The following TUFT1 variants were observed in gnomAD, a reference collection of about 807,000 sequenced individuals.
TUFT1 encodes tuftelin 1, also known as tuftelin.
In TUFT1, 43 loss-of-function variants were observed where a neutral mutation model predicts 57.8. That is an observed-to-expected ratio of 0.74 (90% CI 0.58 to 0.96). TUFT1 has a LOEUF of 0.96. TUFT1 is among the 40% of genes least tolerant of loss of function. The pLI, the probability that TUFT1 is intolerant of heterozygous loss-of-function variation, is 0.00. For synonymous variants in TUFT1, 166 were observed against 176.7 expected (o/e 0.94, Z 0.48); for missense variants, 459 against 489.0 (o/e 0.94, Z 0.58).
chr1:151,555,776 C>CA (rs776491723), intron 1 of TUFT1, among the ~76,000 whole-genome samples: 17,151 of 69,840 alleles, frequency 0.25, 1,788 homozygotes, highest in Non-Finnish European at 0.3. Context: ...GACTCCGTCT[C>CA]AAAAAAAAAA....
At chr1:151,558,278 T>G (rs896530388) in intron 1 of TUFT1, among the ~76,000 whole-genome samples, 9 of 151,942 alleles carry the variant, frequency 5.9e-5, no homozygotes, top group Admixed American at 3.3e-4. Flanking sequence ...TTGACCGTTC[T>G]TCTCTTTCAG....
At chr1:151,558,287 A>G (rs72997981) in intron 1 of TUFT1, among the ~76,000 whole-genome samples, 2,560 of 151,920 alleles carry the variant, frequency 0.017, 86 homozygotes, top group African/African-American at 0.059. Context: ...CTTCTCTTTC[A>G]GCATTTGAAA....
At chr1:151,543,730 C>T (rs1665240093) in intron 1 of TUFT1, among the ~76,000 whole-genome samples, 1 of 152,084 alleles carries the variant, frequency 6.6e-6, no homozygotes, top group South Asian at 2.1e-4. Context: ...CTCAAGATTC[C>T]AGGGAGAGAG....
At chr1:151,547,517 A>G (rs990311009) in intron 1 of TUFT1, among the ~76,000 whole-genome samples, 14 of 152,212 alleles carry the variant, frequency 9.2e-5, no homozygotes, top group African/African-American at 3.4e-4. Context: ...GGTGGCCCAG[A>G]TTTAAGCCTG....
At position 151,561,991 on chromosome 1, in the gene TUFT1, C is replaced by T. The variant is rs567703401; in HGVS notation, c.61-100C>T. The T allele has an allele frequency of 4.5e-5, 67 of 1,475,920 alleles. No individual in the cohort carries two copies. The African/African-American group carries it at 6.5e-4, about 14-fold the overall frequency. 91.4% of individuals were successfully genotyped at this position (1,475,920 alleles called of 1,614,324 possible). A position where few individuals can be genotyped will look rare whatever the true frequency, so the allele number is the denominator to read the frequency against. On this transcript the variant is annotated intron_variant, in intron 1 of 12. Transcript: ENST00000368849. ...TCTGTGAAGTGGTGATGATAAGACC[C>T]GCTCCACAGAGCTGGCAGAAGCACC...
chr1:151,580,858 C>A, intron 11 of TUFT1, 84 bp from the exon 12 acceptor site: 1 of 1,217,448 alleles, frequency 8.2e-7, no homozygotes, highest in Non-Finnish European at 1.2e-6. Context: ...TAAACACAGG[C>A]AGAGAGACCA....
At chr1:151,571,487 G>C (rs898147011) in intron 7 of TUFT1, among the ~76,000 whole-genome samples, 1 of 152,054 alleles carries the variant, frequency 6.6e-6, no homozygotes, top group Non-Finnish European at 1.5e-5. Context: ...TAATAGCTTG[G>C]ACTTAGGGTA....
At chr1:151,576,289 G>A (rs1666460856) in intron 9 of TUFT1, among the ~76,000 whole-genome samples, 1 of 152,136 alleles carries the variant, frequency 6.6e-6, no homozygotes, top group African/African-American at 2.4e-5. Context: ...CTCCCAAGTA[G>A]CCTGACTAGA....
intron 4 of TUFT1, 48 bp from the exon 5 acceptor site, chr1:151,564,477 C>T: frequency 6.9e-7 from 1 of 1,453,122 alleles, no homozygotes; most frequent in Non-Finnish European, 9.6e-7. Flanking sequence ...AGTTGGCATG[C>T]TCTCTTTCTC....
At chr1:151,561,079 C>T (rs1265037350) in intron 1 of TUFT1, among the ~76,000 whole-genome samples, 4 of 151,758 alleles carry the variant, frequency 2.6e-5, no homozygotes, top group African/African-American at 9.7e-5. Flanking sequence ...CTACAAGCTC[C>T]GCCTCCCGGG....
At chr1:151,557,984 A>T (rs1341913265) in intron 1 of TUFT1, 2 of 498,862 alleles carry the variant, frequency 4.0e-6, no homozygotes, top group East Asian at 1.0e-4. Context: ...TACAGCAAAA[A>T]AACTTAAAAA....
intron 7 of TUFT1, 77 bp from the exon 8 acceptor site, chr1:151,574,193 G>C (rs1237897238): frequency 6.5e-7 from 1 of 1,541,124 alleles, no homozygotes; most frequent in Non-Finnish European, 8.7e-7. Flanking sequence ...CCAGGTTCCT[G>C]GGTTCTTTTC....
Position 151,540,411 on chromosome 1 carries a change from A to G in TUFT1, c.45A>G (p.Pro15=). The G allele has an allele frequency of 6.2e-7, 1 of 1,614,180 alleles. No individual in the cohort carries two copies. The change falls in exon 1 of 13, where the codon CCA becomes CCG. Residue 15 remains proline, a synonymous_variant. Transcript: ENST00000368849. The part of the protein sequence containing the change: ...RNWCTLVDVH[P]EDQAAGSVDI... ...GGTGTACCCTGGTGGACGTGCACCC[A>G]GAGGACCAGGCGGCGGTAAGAAAAA... is the stretch of plus-strand genomic sequence containing the variant.
intron 1 of TUFT1, among the ~76,000 whole-genome samples, chr1:151,543,799 GC>G (rs141715033): frequency 1.3e-5 from 2 of 151,518 alleles, no homozygotes; most frequent in African/African-American, 2.4e-5. Flanking sequence ...TGACTGATAG[GC>G]CCCCCCCAGA....
At chr1:151,545,993 G>T (rs1245460453) in intron 1 of TUFT1, 15 of 224,536 alleles carry the variant, frequency 6.7e-5, no homozygotes, top group East Asian at 1.4e-4. Flanking sequence ...TCGAATATTT[G>T]CATTTTTTTC....
chr1:151,550,344 T>C (rs1285538801), intron 1 of TUFT1, among the ~76,000 whole-genome samples: 2 of 151,960 alleles, frequency 1.3e-5, no homozygotes, highest in Admixed American at 6.6e-5. Flanking sequence ...AAATAGTTTT[T>C]TCGTTTGTTT....
At chr1:151,578,371 G>A (rs753173903) in intron 9 of TUFT1, among the ~76,000 whole-genome samples, 51 of 152,082 alleles carry the variant, frequency 3.4e-4, no homozygotes, top group African/African-American at 1.2e-3. Flanking sequence ...GTGCAGTGGC[G>A]CCATCTTGGC....
intron 1 of TUFT1, among the ~76,000 whole-genome samples, chr1:151,560,652 C>T (rs1242094762): frequency 6.6e-6 from 1 of 152,148 alleles, no homozygotes; most frequent in African/African-American, 2.4e-5. Context: ...CACTTTCATT[C>T]TTGGATAGCC....
intron 1 of TUFT1, among the ~76,000 whole-genome samples, chr1:151,554,798 A>T (rs1571693278): frequency 7.9e-6 from 1 of 127,072 alleles, no homozygotes; most frequent in Non-Finnish European, 1.6e-5. Flanking sequence ...CTGCCTCCAG[A>T]GTTCAAGCGA....
Sources: allele counts gnomAD v4.1 joint callset (sites outside exome capture counted in the v4.1 genomes callset), GRCh38; gene constraint gnomAD v4.1.1; transcripts MANE v1.5; gene names NCBI Gene and HGNC (gene_info 2026-07-23, HGNC 2026-07-21).